RERE: variants seen among roughly 807,000 people sequenced by gnomAD.
RERE encodes arginine-glutamic acid dipeptide repeats protein.
In RERE, 40 loss-of-function variants were observed where a neutral mutation model predicts 146.1. The ratio of observed to expected loss-of-function variants is 0.27; its 90% confidence interval spans 0.21 to 0.36. The LOEUF is 0.36. Among genes scored for constraint, RERE ranks in the 10% least tolerant of loss-of-function variants. The pLI is 1.00. For synonymous variants in RERE, 1,003 were observed against 866.0 expected (o/e 1.16, Z -2.78); for missense variants, 1,933 against 2,138.7 (o/e 0.90, Z 1.90).
intron 4 of RERE, 112 bp from the exon 5 acceptor site, chr1:8,557,635 G>A (rs576733508): frequency 1.4e-6 from 1 of 706,536 alleles, no homozygotes; most frequent in Non-Finnish European, 2.5e-6. Flanking sequence ...GATAGGGAGA[G>A]ACACAATTAC....
At chr1:8,783,449 C>T (rs1028767292) in intron 1 of RERE, among the ~76,000 whole-genome samples, 1 of 152,222 alleles carries the variant, frequency 6.6e-6, no homozygotes, top group African/African-American at 2.4e-5. Context: ...CCATTTCTCA[C>T]ATGAATTATT....
chr1:8,736,340 G>A (rs1037197533), intron 1 of RERE, among the ~76,000 whole-genome samples: 2 of 152,098 alleles, frequency 1.3e-5, no homozygotes, highest in Non-Finnish European at 2.9e-5. Context: ...TTGAGTAGCT[G>A]GGACTACAGG....
At chr1:8,424,158 G>C (rs1420964052) in intron 11 of RERE, 3 of 152,204 alleles carry the variant, frequency 2.0e-5, no homozygotes, top group Admixed American at 1.3e-4. Flanking sequence ...CTGCGAAACG[G>C]GGGGCTGGCC....
chr1:8,589,719 C>T (rs1646469473), intron 4 of RERE, among the ~76,000 whole-genome samples: 1 of 152,194 alleles, frequency 6.6e-6, no homozygotes, highest in Non-Finnish European at 1.5e-5. Flanking sequence ...CACAGGGTGC[C>T]TTCACAGTTC....
At chr1:8,450,036 T>A (rs1644371938) in intron 11 of RERE, among the ~76,000 whole-genome samples, 1 of 152,186 alleles carries the variant, frequency 6.6e-6, no homozygotes, top group East Asian at 1.9e-4. Context: ...TTAATTTGCT[T>A]ATTTGTCTGT....
intron 4 of RERE, among the ~76,000 whole-genome samples, chr1:8,601,770 C>A (rs1570493864): frequency 3.4e-5 from 5 of 145,516 alleles, no homozygotes; most frequent in South Asian, 2.2e-4. Context: ...CACACACACA[C>A]ACACACAAAC....
At chr1:8,484,934 T>C (rs1261217723) in intron 10 of RERE, among the ~76,000 whole-genome samples, 1 of 152,164 alleles carries the variant, frequency 6.6e-6, no homozygotes, top group Non-Finnish European at 1.5e-5. Context: ...CATGTTAACA[T>C]AAATGAACAA....
chr1:8,607,656 C>T (rs1397031992), intron 4 of RERE, among the ~76,000 whole-genome samples: 1 of 143,060 alleles, frequency 7.0e-6, no homozygotes, highest in Non-Finnish European at 1.5e-5. Context: ...AGTAATCCTC[C>T]TGCCTCAGCC....
chr1:8,420,450 A>G (rs1297090849), intron 12 of RERE, among the ~76,000 whole-genome samples: 3 of 152,166 alleles, frequency 2.0e-5, no homozygotes, highest in Non-Finnish European at 4.4e-5. Context: ...AAAAAGTAAA[A>G]AATGACCTCT....
At chr1:8,811,607 C>CA (rs1205450148) in intron 1 of RERE, among the ~76,000 whole-genome samples, 1 of 152,134 alleles carries the variant, frequency 6.6e-6, no homozygotes, top group Non-Finnish European at 1.5e-5. Context: ...GACCCTCTCT[C>CA]AAAAAAGAAT....
chr1:8,372,213 C>T (rs1209536735), intron 12 of RERE, among the ~76,000 whole-genome samples: 1 of 152,148 alleles, frequency 6.6e-6, no homozygotes, highest in Admixed American at 6.5e-5. Flanking sequence ...GTATGGGGCC[C>T]AGCTTCTCTT....
chr1:8,621,788 T>C (rs1327440729), intron 3 of RERE, among the ~76,000 whole-genome samples: 6 of 152,256 alleles, frequency 3.9e-5, no homozygotes, highest in African/African-American at 1.4e-4. Flanking sequence ...AAAGCTTATT[T>C]CCTTCTGCTC....
At chr1:8,546,090 C>A (rs1383191193) in intron 6 of RERE, among the ~76,000 whole-genome samples, 1 of 141,022 alleles carries the variant, frequency 7.1e-6, no homozygotes, top group African/African-American at 2.6e-5. Flanking sequence ...CCCAGGCTCA[C>A]GTGATTCTTC....
intron 11 of RERE, among the ~76,000 whole-genome samples, chr1:8,462,579 C>G (rs1644541154): frequency 6.6e-6 from 1 of 152,248 alleles, no homozygotes; most frequent in South Asian, 2.1e-4. Context: ...GTCCGCTGCA[C>G]AGCAGGGAAC....
In RERE at chr1:8,526,027, G is replaced by T. The variant is rs756367126; in HGVS notation, c.830+15187C>A. On this transcript the variant is annotated intron_variant, in intron 7 of 22. Coordinates refer to ENST00000400908, the MANE Select transcript of RERE (RefSeq NM_001042681.2). The stretch of plus-strand genomic sequence containing the variant: ...CCTCATCCACACACTGTCTCTCCAC[G>T]ACGCAATCAATCTCAACCCTGCTGT... 12 of 1,259,034 alleles carry T rather than the reference G, an allele frequency of 9.5e-6. No homozygotes were observed. In the Admixed American group the frequency reaches 5.1e-4, roughly 54 times the overall value. 78.0% of individuals were successfully genotyped at this position (1,259,034 alleles called of 1,614,324 possible). A position where few individuals can be genotyped will look rare whatever the true frequency, so the allele number is the denominator to read the frequency against.
intron 7 of RERE, among the ~76,000 whole-genome samples, chr1:8,528,373 GC>G (rs1455160708): frequency 1.3e-5 from 2 of 152,082 alleles, no homozygotes; most frequent in African/African-American, 4.8e-5. Context: ...GAAAAAACTG[GC>G]AAAATCTGAA....
Position 8,468,306 on chromosome 1 carries a change from G to A in RERE, c.1105-2283C>T, listed in dbSNP as rs535577167. Among the ~76,000 whole-genome samples, 9 of 152,090 alleles carry A rather than the reference G, an allele frequency of 5.9e-5. No individual in the cohort carries two copies. The South Asian group carries it at 1.2e-3, about 21-fold the overall frequency. ...TATCCAACCTAGGCTTCTTTCAGAC[G>A]TATAAAAAGATCTGAAATAAAGTCA... On this transcript the variant is annotated intron_variant, in intron 10 of 22. Coordinates refer to ENST00000400908, the MANE Select transcript of RERE (RefSeq NM_001042681.2).
At chr1:8,506,182 G>A (rs1418352382) in intron 8 of RERE, among the ~76,000 whole-genome samples, 2 of 152,198 alleles carry the variant, frequency 1.3e-5, no homozygotes, top group Non-Finnish European at 1.5e-5. Context: ...AATGGGAGAC[G>A]AAACTGAGTG....
At chr1:8,726,271 C>T (rs1639966724) in intron 1 of RERE, among the ~76,000 whole-genome samples, 1 of 150,858 alleles carries the variant, frequency 6.6e-6, no homozygotes, top group African/African-American at 2.4e-5. Context: ...TCTGCCTCAG[C>T]CTCCTGAGTA....
Sources: gnomAD v4.1 joint callset for allele counts (sites outside exome capture counted in the v4.1 genomes callset) on GRCh38, gnomAD v4.1.1 for gene constraint, MANE v1.5 for transcripts, NCBI Gene and HGNC (gene_info 2026-07-23, HGNC 2026-07-21) for gene names.